METTL25: variants seen among roughly 807,000 people sequenced by gnomAD.
METTL25 encodes the protein probable methyltransferase-like protein 25.
In METTL25, 64 loss-of-function variants were observed where a neutral mutation model predicts 71.6. That is an observed-to-expected ratio of 0.89 (90% CI 0.73 to 1.10). The LOEUF (loss-of-function observed/expected upper bound fraction) is 1.10. METTL25 is among the 50% of genes least tolerant of loss of function. METTL25 has a pLI of 0.00. For synonymous variants in METTL25, 287 were observed against 250.3 expected (o/e 1.15, Z -1.38); for missense variants, 807 against 707.0 (o/e 1.14, Z -1.60).
chr12:82,389,793 G>T, intron 2 of METTL25, 23 bp from the exon 3 acceptor site: 1 of 1,438,124 alleles, frequency 7.0e-7, no homozygotes, highest in Non-Finnish European at 9.7e-7. Context: ...TTTAATAGCA[G>T]TTTTTACTTT....
intron 3 of METTL25, among the ~76,000 whole-genome samples, chr12:82,392,713 C>A (rs1885708908): frequency 6.6e-6 from 1 of 152,042 alleles, no homozygotes. Context: ...TTTGCCTAGA[C>A]CAATGTCCTA....
intron 5 of METTL25, among the ~76,000 whole-genome samples, chr12:82,425,284 A>G (rs1323700858): frequency 2.6e-5 from 4 of 152,084 alleles, no homozygotes; most frequent in African/African-American, 9.7e-5. Context: ...TACCTATTAC[A>G]TCCTACCTAC....
At chr12:82,377,990 G>A (rs976338813) in intron 1 of METTL25, among the ~76,000 whole-genome samples, 4 of 152,062 alleles carry the variant, frequency 2.6e-5, no homozygotes, top group Admixed American at 1.3e-4. Flanking sequence ...GATTTAGGCC[G>A]ACACTTGTGC....
chr12:82,469,199 A>G (rs565666949), intron 9 of METTL25, among the ~76,000 whole-genome samples: 28 of 152,276 alleles, frequency 1.8e-4, no homozygotes, highest in East Asian at 1.2e-3. Flanking sequence ...TTGGATGTCA[A>G]CATTAACATA....
chr12:82,393,226 AC>A (rs1885761263), intron 3 of METTL25, among the ~76,000 whole-genome samples: 1 of 151,964 alleles, frequency 6.6e-6, no homozygotes, highest in Non-Finnish European at 1.5e-5. Flanking sequence ...GGTAATATGC[AC>A]ATTTTAACAA....
At chr12:82,408,109 G>A (rs1189744765) in intron 5 of METTL25, 1 of 212,912 alleles carries the variant, frequency 4.7e-6, no homozygotes, top group Non-Finnish European at 8.1e-6. Context: ...GTATGATTAA[G>A]AAGTTCTATA....
chr12:82,374,450 G>A (rs1044849374), intron 1 of METTL25: 7 of 152,294 alleles, frequency 4.6e-5, no homozygotes, highest in African/African-American at 1.7e-4. Context: ...GACACAGAGT[G>A]CTGATTGGTG....
intron 8 of METTL25, among the ~76,000 whole-genome samples, chr12:82,447,267 A>C (rs1242290924): frequency 6.6e-6 from 1 of 152,138 alleles, no homozygotes; most frequent in Non-Finnish European, 1.5e-5. Flanking sequence ...AAAGTCTTAC[A>C]TGTTTGCTTC....
At chr12:82,375,318 C>T (rs1452836058) in intron 1 of METTL25, among the ~76,000 whole-genome samples, 1 of 152,094 alleles carries the variant, frequency 6.6e-6, no homozygotes, top group African/African-American at 2.4e-5. Context: ...AAGCTGACCA[C>T]CCCTGCTGCA....
At chr12:82,360,855 G>A (rs1881760184) in intron 1 of METTL25, among the ~76,000 whole-genome samples, 1 of 152,146 alleles carries the variant, frequency 6.6e-6, no homozygotes, top group Non-Finnish European at 1.5e-5. Flanking sequence ...TCCAGAGTTT[G>A]TTCCTTCTGA....
intron 8 of METTL25, among the ~76,000 whole-genome samples, chr12:82,443,561 C>T (rs1890519823): frequency 6.6e-6 from 1 of 151,604 alleles, no homozygotes; most frequent in South Asian, 2.1e-4. Flanking sequence ...TTCTATGTGG[C>T]TATAAAGGAA....
chr12:82,389,274 G>C (rs4882441), intron 2 of METTL25, among the ~76,000 whole-genome samples: 152,147 of 152,192 alleles, frequency 1, 76,051 homozygotes, highest in Middle Eastern at 1. Flanking sequence ...GTGGCTAGTG[G>C]AGCATAGAAT....
intron 1 of METTL25, among the ~76,000 whole-genome samples, chr12:82,361,960 G>T (rs542920004): frequency 6.6e-6 from 1 of 152,208 alleles, no homozygotes; most frequent in African/African-American, 2.4e-5. Flanking sequence ...CTGCCGGCAC[G>T]CTGTCACCTC....
chr12:82,471,064 T>A (rs1892541848), intron 9 of METTL25, among the ~76,000 whole-genome samples: 1 of 152,200 alleles, frequency 6.6e-6, no homozygotes, highest in Non-Finnish European at 1.5e-5. Context: ...AACTAATAGA[T>A]CCTTTGAATG....
At chr12:82,389,717 T>C in intron 2 of METTL25, 99 bp from the exon 3 acceptor site, 1 of 683,106 alleles carries the variant, frequency 1.5e-6, no homozygotes, top group South Asian at 1.7e-5. Flanking sequence ...AATCTCTGTA[T>C]TATTTTCCTA....
intron 9 of METTL25, among the ~76,000 whole-genome samples, chr12:82,460,151 CTG>C (rs1466067732): frequency 6.6e-6 from 1 of 152,182 alleles, no homozygotes; most frequent in Admixed American, 6.5e-5. Flanking sequence ...ACAACTGTGT[CTG>C]TAATCCACTC....
chr12:82,451,370 C>T (rs772429514), intron 8 of METTL25: 1 of 403,626 alleles, frequency 2.5e-6, no homozygotes, highest in Non-Finnish European at 3.4e-6. Context: ...AGTATCCCCA[C>T]TGCATCATAT....
At chr12:82,440,988 G>A (rs994130214) in intron 8 of METTL25, among the ~76,000 whole-genome samples, 2 of 151,992 alleles carry the variant, frequency 1.3e-5, no homozygotes, top group Admixed American at 1.3e-4. Flanking sequence ...TCAACAGAGA[G>A]GGTGAGCACA....
chr12:82,396,888 A>G (rs1886131171), intron 3 of METTL25, among the ~76,000 whole-genome samples: 1 of 152,128 alleles, frequency 6.6e-6, no homozygotes, highest in Non-Finnish European at 1.5e-5. Flanking sequence ...AGCACATAGT[A>G]TTTGAGAGCA....
Sources: gnomAD v4.1 joint callset for allele counts (sites outside exome capture counted in the v4.1 genomes callset) on GRCh38, gnomAD v4.1.1 for gene constraint, MANE v1.5 for transcripts, NCBI Gene and HGNC (gene_info 2026-07-23, HGNC 2026-07-21) for gene names.